The following HDGFL3 variants were observed in gnomAD, a reference collection of about 807,000 sequenced individuals.
HDGFL3 encodes the protein hepatoma-derived growth factor-related protein 3.
In HDGFL3, 6 loss-of-function variants were observed where a neutral mutation model predicts 27.6. The observed-to-expected ratio is 0.22, with a 90% CI of 0.12 to 0.43. HDGFL3 has a LOEUF of 0.43. Among genes scored for constraint, HDGFL3 ranks in the 20% least tolerant of loss-of-function variants. The pLI, the probability that HDGFL3 is intolerant of heterozygous loss-of-function variation, is 1.00. For synonymous variants in HDGFL3, 88 were observed against 88.9 expected (o/e 0.99, Z 0.05); for missense variants, 207 against 250.1 (o/e 0.83, Z 1.16).
At chr15:83,159,156 T>A (rs975052954) in intron 2 of HDGFL3, among the ~76,000 whole-genome samples, 14 of 152,154 alleles carry the variant, frequency 9.2e-5, no homozygotes, top group African/African-American at 3.4e-4. Context: ...TTTCTATAAA[T>A]TAAAAAATCA....
chr15:83,131,829 A>G lies in HDGFL3; in HGVS notation c.*7441T>C, dbSNP rs1345554506. On this transcript the variant is annotated 3_prime_UTR_variant, in exon 6 of 6. Coordinates refer to ENST00000299633, the MANE Select transcript of HDGFL3 (RefSeq NM_016073.4). ...ACTCATAACCCAGGTATCTTTTCAT[A>G]TAAAATGCTAACCATAGGATTAAAG... 1 of 152,222 alleles carries G rather than the reference A, an allele frequency of 6.6e-6. No individual in the cohort carries two copies. Among genetic ancestry groups the G allele is most frequent in the Non-Finnish European group, 1.5e-5 (1 of 68,046 alleles). 9.4% of individuals were successfully genotyped at this position (152,222 alleles called of 1,614,324 possible).
At chr15:83,189,598 C>A (rs2037487068) in intron 1 of HDGFL3, 1 of 152,198 alleles carries the variant, frequency 6.6e-6, no homozygotes, top group Non-Finnish European at 1.5e-5. Flanking sequence ...TTCCTGGCTA[C>A]ATTAAATTAC....
At chr15:83,178,129 A>G (rs1039316895) in intron 1 of HDGFL3, among the ~76,000 whole-genome samples, 2 of 152,244 alleles carry the variant, frequency 1.3e-5, no homozygotes, top group Non-Finnish European at 2.9e-5. Flanking sequence ...ATAACTGCAA[A>G]TAACAGTCCG....
At chr15:83,146,551 T>C (rs1321135729) in intron 5 of HDGFL3, among the ~76,000 whole-genome samples, 1 of 152,248 alleles carries the variant, frequency 6.6e-6, no homozygotes, top group Non-Finnish European at 1.5e-5. Flanking sequence ...TTAAGATATG[T>C]TGGATTCCAT....
At chr15:83,123,228 G>A (rs1377984009), downstream of HDGFL3, among the ~76,000 whole-genome samples, 1 of 152,112 alleles carries the variant, frequency 6.6e-6, no homozygotes, top group Non-Finnish European at 1.5e-5. Context: ...GAACACCTGG[G>A]TTCCTCTGTG....
intron 5 of HDGFL3, among the ~76,000 whole-genome samples, chr15:83,146,449 T>C (rs2036894046): frequency 1.3e-5 from 2 of 152,218 alleles, no homozygotes; most frequent in African/African-American, 4.8e-5. Context: ...CATGATTCTA[T>C]TCAAATACCT....
In HDGFL3 at chr15:83,136,230, A is replaced by G. The variant is rs1166241455; in HGVS notation, c.*3040T>C. 3.0e-6 allele frequency: 1 copy of G among 329,578 alleles called. No individual in the cohort carries two copies. The allele number at this position is 329,578 out of a possible 1,614,324, so 20.4% of individuals were successfully genotyped here. A position where few individuals can be genotyped will look rare whatever the true frequency, so the allele number is the denominator to read the frequency against. ...GGTTAAAAAACACAACTGGCATGAT[A>G]AAACTACACTAAATAATATCTACTT... On this transcript the variant is annotated 3_prime_UTR_variant, in exon 6 of 6. Coordinates refer to ENST00000299633, the MANE Select transcript of HDGFL3 (RefSeq NM_016073.4).
At chr15:83,112,796 GTTCCTGGACTA>G (rs761856253) in exon 4 of HDGFL3, 1 of 1,612,668 alleles carries the variant, frequency 6.2e-7, no homozygotes. Context: ...GGTCGTTGCA[GTTCCTGGACTA>G]TTGTAGGGGT....
exon 4 of HDGFL3, chr15:83,114,732 A>G (rs2034501844): frequency 6.6e-6 from 1 of 152,260 alleles, no homozygotes; most frequent in Non-Finnish European, 1.5e-5. Flanking sequence ...TCTTCTGTCC[A>G]TGTCCATCCC....
chr15:83,146,165 C>T (rs1412396775), intron 5 of HDGFL3, among the ~76,000 whole-genome samples: 1 of 152,102 alleles, frequency 6.6e-6, no homozygotes, highest in Non-Finnish European at 1.5e-5. Flanking sequence ...CCACCTCAGC[C>T]TCCCAAAGTC....
chr15:83,158,992 C>T (rs2037065514), intron 2 of HDGFL3, among the ~76,000 whole-genome samples: 1 of 152,050 alleles, frequency 6.6e-6, no homozygotes, highest in Non-Finnish European at 1.5e-5. Flanking sequence ...CAGGCATGCT[C>T]CATCACATCT....
intron 5 of HDGFL3, among the ~76,000 whole-genome samples, chr15:83,148,303 C>G (rs1164417786): frequency 6.6e-6 from 1 of 152,124 alleles, no homozygotes; most frequent in Non-Finnish European, 1.5e-5. Flanking sequence ...CATGAGAATG[C>G]TCACAGCCAC....
chr15:83,157,689 C>A, intron 3 of HDGFL3, 116 bp from the exon 4 acceptor site: 1 of 1,134,950 alleles, frequency 8.8e-7, no homozygotes, highest in Non-Finnish European at 1.2e-6. Flanking sequence ...GGAAGATTTT[C>A]AAAAACAAAG....
At chr15:83,165,794 C>CACA (rs2037163438) in intron 1 of HDGFL3, among the ~76,000 whole-genome samples, 1 of 13,842 alleles carries the variant, frequency 7.2e-5, no homozygotes, top group Non-Finnish European at 1.8e-4. Flanking sequence ...GAATCCATCT[C>CACA]AAAAAAAAAA....
At chr15:83,170,277 A>C (rs1045553597) in intron 1 of HDGFL3, among the ~76,000 whole-genome samples, 1 of 152,210 alleles carries the variant, frequency 6.6e-6, no homozygotes, top group Non-Finnish European at 1.5e-5. Context: ...CCTAAGCAAA[A>C]AGAACAAAGC....
rs371201142 is a variant in HDGFL3, at chr15:83,157,406, C to A, written c.459+9G>T. 1 of 1,610,838 alleles carries A rather than the reference C, an allele frequency of 6.2e-7. No individual in the cohort carries two copies. Among genetic ancestry groups the A allele is most frequent in the Non-Finnish European group, 8.5e-7 (1 of 1,177,588 alleles). On this transcript the variant is annotated intron_variant, in intron 4 of 5. Transcript: ENST00000299633. Reference sequence around the variant, plus strand: ...TAACATTAATAACAATGAGAAGTTTCTTAGTAACCTTTGAAGTATATGACT... The same window carrying A: ...TAACATTAATAACAATGAGAAGTTTATTAGTAACCTTTGAAGTATATGACT...
In HDGFL3 at chr15:83,207,609, A is replaced by C; in HGVS notation, c.-195T>G. The C allele has an allele frequency of 3.4e-6, 1 of 293,324 alleles. No individual in the cohort carries two copies. The highest frequency in any genetic ancestry group is 5.7e-5 in the East Asian group (1 of 17,498). The allele number at this position is 293,324 out of a possible 1,614,324, so 18.2% of individuals were successfully genotyped here. ...GCGGGGGGCGCAGCAGGCCCGGCAA[A>C]TCACGGCCCGGCAGCGGGGGAGGGG... On this transcript the variant is annotated 5_prime_UTR_variant, in exon 1 of 6. Transcript: ENST00000299633. The surrounding 1 kb of genome is among the most constrained non-coding windows in gnomAD (Gnocchi z 4.8).
intron 1 of HDGFL3, chr15:83,180,756 C>T (rs2037370823): frequency 6.6e-6 from 1 of 151,242 alleles, no homozygotes; most frequent in Non-Finnish European, 1.5e-5. Context: ...AGCGATTCTC[C>T]TGCTTTAACC....
intron 1 of HDGFL3, among the ~76,000 whole-genome samples, chr15:83,187,421 A>G (rs2037458233): frequency 6.6e-6 from 1 of 151,470 alleles, no homozygotes; most frequent in African/African-American, 2.5e-5. Context: ...CACAGGAATC[A>G]TACTTTATAA....
Sources: gnomAD v4.1 joint callset for allele counts (sites outside exome capture counted in the v4.1 genomes callset) on GRCh38, gnomAD v4.1.1 for gene constraint, Gnocchi (gnomAD v3.1) non-coding constraint, MANE v1.5 for transcripts, NCBI Gene and HGNC (gene_info 2026-07-23, HGNC 2026-07-21) for gene names.